Variants in INSR observed in about 807,000 individuals in gnomAD.
INSR encodes the protein insulin receptor, also known as IR.
Under a neutral mutation model 142.6 loss-of-function variants are expected in INSR, and 67 were observed. The ratio of observed to expected loss-of-function variants is 0.47; its 90% CI spans 0.39 to 0.58. The LOEUF (loss-of-function observed/expected upper bound fraction) is 0.58. INSR is among the 20% of genes least tolerant of loss of function. The probability of loss-of-function intolerance (pLI) is 0.00; values close to 1 mark genes in which losing one functional copy is unlikely to be tolerated. For synonymous variants in INSR, 756 were observed against 743.1 expected (o/e 1.02, Z -0.28); for missense variants, 1,248 against 1,833.2 (o/e 0.68, Z 5.83).
In INSR at chr19:7,267,698, T is replaced by A; in HGVS notation, c.299A>T (p.Lys100Met). 6.2e-7 allele frequency: 1 copy of A among 1,614,118 alleles called. No homozygotes were observed. The highest frequency in any genetic ancestry group is 8.5e-7 in the Non-Finnish European group (1 of 1,180,028). Residue 100 changes from lysine (K) to methionine (M), a missense_variant, in exon 2 of 22, where the codon AAG becomes ATG. By Grantham distance (95) the Lys-to-Met change is moderately conservative (BLOSUM62 -1). This residue lies in a region of INSR where 1,069 missense variants were observed against 1,654.0 expected (regional missense o/e 0.65). Transcript: ENST00000302850. This position sits in a 1 kb window ranked among gnomAD's most constrained non-coding sequence, Gnocchi z 6.3. ...LFRVYGLESL[K>M]DLFPNLTVIR... ...GACCGTGAGGTTGGGGAACAGGTCC[T>A]TCAGGCTCTCGAGCCCATAGACCCG...
chr19:7,281,249 G>A (rs1968196424), intron 1 of INSR, among the ~76,000 whole-genome samples: 1 of 152,142 alleles, frequency 6.6e-6, no homozygotes, highest in Non-Finnish European at 1.5e-5. Context: ...GTATAATTAG[G>A]AGGGAACATA....
chr19:7,168,123 T>A lies in INSR; in HGVS notation c.1484-29A>T. ...GAAAAGTTAAAACAAAAGGCAAAAA[T>A]GAGCTATTTCAGTGTAGTTTCAGAC... is the stretch of plus-strand genomic sequence containing the variant. On this transcript the variant is annotated intron_variant, in intron 6 of 21. Transcript: ENST00000302850. The surrounding 1 kb of genome is among the most constrained non-coding windows in gnomAD (Gnocchi z 4.3). 1 of 1,611,976 alleles carries A rather than the reference T, an allele frequency of 6.2e-7. No homozygotes were observed. The highest frequency in any genetic ancestry group is 2.2e-5 in the East Asian group (1 of 44,796).
intron 2 of INSR, among the ~76,000 whole-genome samples, chr19:7,198,236 G>A (rs1190730954): frequency 4.6e-5 from 7 of 151,272 alleles, no homozygotes; most frequent in Non-Finnish European, 1.0e-4. Flanking sequence ...CAGCCAATGG[G>A]CGGGCGTGCT....
chr19:7,293,656 G>T, intron 1 of INSR, 136 bp downstream of exon 1: 1 of 682,338 alleles, frequency 1.5e-6, no homozygotes, highest in Non-Finnish European at 2.0e-6. Context: ...ACGCGATGCA[G>T]GAGCTACCGT....
intron 2 of INSR, among the ~76,000 whole-genome samples, chr19:7,266,109 A>G (rs1967714524): frequency 6.6e-6 from 1 of 152,242 alleles, no homozygotes; most frequent in South Asian, 2.1e-4. Flanking sequence ...AAATGCAAAT[A>G]GAAACAATGA....
At chr19:7,269,711 G>A (rs1967858650) in intron 1 of INSR, among the ~76,000 whole-genome samples, 1 of 151,106 alleles carries the variant, frequency 6.6e-6, no homozygotes, top group Non-Finnish European at 1.5e-5. Context: ...CTCCCAGCAA[G>A]TTCTGTCCCC....
chr19:7,264,573 C>G (rs1967665684), intron 2 of INSR, among the ~76,000 whole-genome samples: 1 of 152,208 alleles, frequency 6.6e-6, no homozygotes, highest in Non-Finnish European at 1.5e-5. Flanking sequence ...CCCCTGGTGT[C>G]CCAGCTAGAA....
At chr19:7,210,069 G>A (rs979721068) in intron 2 of INSR, among the ~76,000 whole-genome samples, 2 of 151,960 alleles carry the variant, frequency 1.3e-5, no homozygotes, top group African/African-American at 4.8e-5. Flanking sequence ...CAAGAGCCAG[G>A]CGCAGTGGCT....
At position 7,184,629 on chromosome 19, in the gene INSR, T is replaced by G; in HGVS notation, c.661A>C (p.Thr221Pro). ...THSHCQKVCP[T>P]ICKSHGCTAE... The stretch of plus-strand genomic sequence containing the variant: ...GTGCAGCCGTGTGACTTACAGATGG[T>G]CGGGCAAACTGGAGAGAGAGAGAGA... The change falls in exon 3 of 22, where the codon ACC becomes CCC. Residue 221 changes from threonine (T) to proline (P), a missense_variant. This residue lies in a region of INSR where 1,069 missense variants were observed against 1,654.0 expected (regional missense o/e 0.65). Coordinates refer to ENST00000302850, the MANE Select transcript of INSR (RefSeq NM_000208.4). The G allele has an allele frequency of 6.2e-7, 1 of 1,600,778 alleles. No individual in the cohort carries two copies.
chr19:7,133,687 C>G (rs1254742152), intron 13 of INSR, among the ~76,000 whole-genome samples: 1 of 152,136 alleles, frequency 6.6e-6, no homozygotes. Flanking sequence ...GATGGTGAAA[C>G]CCCCACCTCT....
chr19:7,142,703 G>T (rs1973100779), intron 12 of INSR, 113 bp downstream of exon 12: 3 of 1,327,298 alleles, frequency 2.3e-6, no homozygotes, highest in Non-Finnish European at 3.2e-6. Flanking sequence ...AAACAAAAAT[G>T]AAGGCCAATA....
chr19:7,215,121 A>G (rs747147990), intron 2 of INSR, among the ~76,000 whole-genome samples: 2 of 151,896 alleles, frequency 1.3e-5, no homozygotes, highest in Non-Finnish European at 2.9e-5. Context: ...GTGCCTGGCT[A>G]AATTTTTATT....
chr19:7,193,629 G>C (rs1459251538), intron 2 of INSR, among the ~76,000 whole-genome samples: 1 of 152,010 alleles, frequency 6.6e-6, no homozygotes, highest in Non-Finnish European at 1.5e-5. Flanking sequence ...CTATGTATGT[G>C]TACTATCCTG....
chr19:7,120,899 A>C, intron 19 of INSR, 150 bp from the exon 20 acceptor site: 3 of 904,620 alleles, frequency 3.3e-6, no homozygotes, highest in Non-Finnish European at 5.4e-6. Context: ...TCCAGTAAGA[A>C]TGGATTCTGA....
chr19:7,226,431 A>C (rs1449365023), intron 2 of INSR, among the ~76,000 whole-genome samples: 8 of 147,358 alleles, frequency 5.4e-5, no homozygotes, highest in African/African-American at 5.1e-5. Context: ...AAAAAAAAAA[A>C]AACAACTCTA....
chr19:7,124,540 GGAAAAAAAAAA>G (rs1972576675), intron 17 of INSR, among the ~76,000 whole-genome samples: 3 of 10,810 alleles, frequency 2.8e-4, no homozygotes, highest in Admixed American at 1.9e-3. Context: ...CTCCGTTTCA[GGAAAAAAAAAA>G]AAAAAAAAAA....
At chr19:7,232,794 T>A (rs145786025) in intron 2 of INSR, among the ~76,000 whole-genome samples, 5,479 of 151,222 alleles carry the variant, frequency 0.036, 120 homozygotes, top group Middle Eastern at 0.082. Flanking sequence ...TGGGCAACAG[T>A]GCAAGACTCC....
intron 14 of INSR, among the ~76,000 whole-genome samples, chr19:7,129,501 T>A (rs1972727057): frequency 6.6e-6 from 1 of 151,826 alleles, no homozygotes; most frequent in East Asian, 1.9e-4. Flanking sequence ...ATTTTTGTAT[T>A]TTTAATAGAG....
intron 11 of INSR, among the ~76,000 whole-genome samples, chr19:7,147,323 C>T (rs1220730988): frequency 2.6e-5 from 4 of 151,930 alleles, no homozygotes; most frequent in South Asian, 4.1e-4. Flanking sequence ...TACAGGCGCA[C>T]GTTACCACAT....
Sources: gnomAD v4.1 joint callset for allele counts (sites outside exome capture counted in the v4.1 genomes callset) on GRCh38, gnomAD v4.1.1 for gene constraint, gnomAD v4.1.1 regional missense constraint, Gnocchi (gnomAD v3.1) non-coding constraint, MANE v1.5 for transcripts, NCBI Gene and HGNC (gene_info 2026-07-23, HGNC 2026-07-21) for gene names.